The following TRPM3 variants were observed in gnomAD, a reference collection of about 807,000 sequenced individuals.
The protein encoded by TRPM3 is transient receptor potential cation channel subfamily M member 3.
Under a neutral mutation model 181.2 loss-of-function variants are expected in TRPM3, and 77 were observed. The ratio of observed to expected loss-of-function variants is 0.42; its 90% CI spans 0.35 to 0.51. TRPM3 has a LOEUF of 0.51. Ranked by LOEUF, TRPM3 falls within the 20% of genes least tolerant of loss-of-function variation. The probability of loss-of-function intolerance (pLI) is 0.01; values close to 1 mark genes in which losing one functional copy is unlikely to be tolerated. For missense variants in TRPM3, 1,759 were observed against 2,196.7 expected, an observed-to-expected ratio of 0.80 and a Z score of 3.98; for synonymous variants, 745 against 796.4, an observed-to-expected ratio of 0.94 and a Z score of 1.09.
At chr9:70,880,197 G>A (rs1262401975) in intron 1 of TRPM3, among the ~76,000 whole-genome samples, 1 of 152,004 alleles carries the variant, frequency 6.6e-6, no homozygotes, top group Non-Finnish European at 1.5e-5. Flanking sequence ...TGCTATTGTA[G>A]GGGTACAGAA....
intron 1 of TRPM3, among the ~76,000 whole-genome samples, chr9:70,998,541 G>A (rs1277923218): frequency 6.6e-6 from 1 of 151,946 alleles, no homozygotes; most frequent in Non-Finnish European, 1.5e-5. Flanking sequence ...CATTGGTGGT[G>A]GTGTACACTC....
chr9:70,566,693 G>C (rs1253400022), intron 22 of TRPM3, among the ~76,000 whole-genome samples: 2 of 152,142 alleles, frequency 1.3e-5, no homozygotes, highest in Non-Finnish European at 2.9e-5. Context: ...ACATGAAATA[G>C]GGAATGGCCC....
At chr9:70,797,310 C>T (rs1158320746) in intron 6 of TRPM3, among the ~76,000 whole-genome samples, 4 of 152,146 alleles carry the variant, frequency 2.6e-5, no homozygotes, top group South Asian at 2.1e-4. Context: ...CGTCTGTGCT[C>T]ATTGGTTTTC....
At chr9:71,164,599 T>C (rs2076444488) in intron 1 of TRPM3, among the ~76,000 whole-genome samples, 1 of 152,020 alleles carries the variant, frequency 6.6e-6, no homozygotes, top group Non-Finnish European at 1.5e-5. Context: ...AAAGTATCTA[T>C]ATAAAGACAG....
chr9:70,934,258 T>C (rs1394373832), intron 1 of TRPM3, among the ~76,000 whole-genome samples: 1 of 152,062 alleles, frequency 6.6e-6, no homozygotes, highest in African/African-American at 2.4e-5. Flanking sequence ...ATAGAAAATT[T>C]GGGATGTTGG....
intron 1 of TRPM3, among the ~76,000 whole-genome samples, chr9:70,961,944 G>C (rs1304647408): frequency 2.0e-5 from 3 of 152,008 alleles, no homozygotes; most frequent in Non-Finnish European, 2.9e-5. Context: ...TTTTGAATTA[G>C]CATCATAGAA....
At chr9:70,821,776 A>G (rs1290784271) in intron 6 of TRPM3, among the ~76,000 whole-genome samples, 1 of 152,214 alleles carries the variant, frequency 6.6e-6, no homozygotes, top group Non-Finnish European at 1.5e-5. Flanking sequence ...ACAGATATAC[A>G]GAGAATAAAT....
chr9:70,611,102 C>CTCTT (rs2061933706), intron 18 of TRPM3, among the ~76,000 whole-genome samples: 1 of 152,202 alleles, frequency 6.6e-6, no homozygotes, highest in African/African-American at 2.4e-5. Flanking sequence ...CCCACCTGCT[C>CTCTT]TCTTTCTATA....
chr9:70,680,551 A>G (rs913392088), intron 9 of TRPM3, among the ~76,000 whole-genome samples: 1 of 152,200 alleles, frequency 6.6e-6, no homozygotes, highest in African/African-American at 2.4e-5. Context: ...GGTGTTAAGA[A>G]GGTAGTAATG....
In TRPM3 at chr9:71,200,866, C is replaced by T. The variant is rs1358222134; in HGVS notation, c.183+245787G>A. 7.3e-5 allele frequency among the ~76,000 whole-genome samples: 11 copies of T among 150,384 alleles called. No homozygotes were observed. In the East Asian group the frequency reaches 2.2e-3, roughly 30 times the overall value. ...TGTCTTTTAATTGGAGAATTTAGTC[C>T]ATTTACATTTAAAGTTAATATTGTT... On this transcript the variant is annotated intron_variant, in intron 1 of 24. Coordinates refer to the TRPM3 transcript ENST00000357533.
chr9:71,072,492 C>T (rs150642242), intron 1 of TRPM3, among the ~76,000 whole-genome samples: 32 of 152,190 alleles, frequency 2.1e-4, no homozygotes, highest in African/African-American at 7.5e-4. Context: ...CCCAATAACC[C>T]AAGAGGCAGG....
chr9:70,912,092 C>T (rs1225646333), intron 1 of TRPM3, among the ~76,000 whole-genome samples: 1 of 152,180 alleles, frequency 6.6e-6, no homozygotes, highest in African/African-American at 2.4e-5. Flanking sequence ...TGGATTCCTT[C>T]ATGAGTGTCT....
chr9:70,998,111 C>T (rs917365210), intron 1 of TRPM3, among the ~76,000 whole-genome samples: 5 of 148,510 alleles, frequency 3.4e-5, no homozygotes, highest in African/African-American at 1.2e-4. Flanking sequence ...ATATATAATG[C>T]TCTAATTGTT....
At chr9:71,012,809 T>A (rs1284630113) in intron 1 of TRPM3, among the ~76,000 whole-genome samples, 8 of 152,122 alleles carry the variant, frequency 5.3e-5, no homozygotes, top group African/African-American at 1.9e-4. Flanking sequence ...TCTCTAAGAT[T>A]TTTTAGATAT....
intron 1 of TRPM3, among the ~76,000 whole-genome samples, chr9:71,184,199 C>T (rs1285518258): frequency 6.6e-6 from 1 of 152,048 alleles, no homozygotes; most frequent in East Asian, 1.9e-4. Flanking sequence ...ATTGCTATTA[C>T]CTAAGAACAA....
intron 1 of TRPM3, among the ~76,000 whole-genome samples, chr9:71,433,973 T>A (rs2093994921): frequency 6.6e-6 from 1 of 152,026 alleles, no homozygotes. Context: ...CTGGCCAACA[T>A]GGAGAAACCC....
In TRPM3 at chr9:70,533,281, T is replaced by A. The variant is rs2041137134; in HGVS notation, c.*2672A>T. 6.6e-6 allele frequency: 1 copy of A among 152,250 alleles called. No homozygotes were observed. Among genetic ancestry groups the A allele is most frequent in the Admixed American group, 6.5e-5 (1 of 15,288 alleles). The allele number at this position is 152,250 out of a possible 1,614,324, so 9.4% of individuals were successfully genotyped here. ...TGTTTTCACCTCCTTCTTGGATTCCTCTATAGACCCTTCAGGGAGACTTCA... is the reference window on the plus strand; with the variant it reads ...TGTTTTCACCTCCTTCTTGGATTCCACTATAGACCCTTCAGGGAGACTTCA... On this transcript the variant is annotated 3_prime_UTR_variant, in exon 26 of 26. Transcript: ENST00000677713.
intron 19 of TRPM3, among the ~76,000 whole-genome samples, chr9:70,607,755 A>C (rs2061416790): frequency 1.3e-5 from 2 of 152,120 alleles, no homozygotes; most frequent in Non-Finnish European, 2.9e-5. Flanking sequence ...CGTTTTAGAG[A>C]TATTGATACT....
chr9:70,814,799 A>G (rs1240233760), intron 6 of TRPM3, among the ~76,000 whole-genome samples: 1 of 151,966 alleles, frequency 6.6e-6, no homozygotes, highest in Non-Finnish European at 1.5e-5. Context: ...GGAGAAAGGC[A>G]CCCAACTCCT....
Sources: allele counts gnomAD v4.1 joint callset (sites outside exome capture counted in the v4.1 genomes callset), GRCh38; gene constraint gnomAD v4.1.1; transcripts MANE v1.5; gene names NCBI Gene and HGNC (gene_info 2026-07-23, HGNC 2026-07-21).